The following RIMS2 variants were observed in gnomAD, a reference collection of about 807,000 sequenced individuals.
RIMS2 encodes the protein regulating synaptic membrane exocytosis 2.
Under a neutral mutation model 174.4 loss-of-function variants are expected in RIMS2, and 59 were observed. That is an observed-to-expected ratio of 0.34 (90% CI 0.27 to 0.42). The LOEUF is 0.42. Ranked by LOEUF, RIMS2 falls within the 10% of genes least tolerant of loss-of-function variation. The pLI is 1.00. For missense variants in RIMS2, 1,620 were observed against 1,666.3 expected (o/e 0.97, Z 0.48); for synonymous variants, 606 against 572.5 (o/e 1.06, Z -0.84).
At chr8:104,093,952 G>C (rs897366359) in intron 19 of RIMS2, among the ~76,000 whole-genome samples, 2 of 151,760 alleles carry the variant, frequency 1.3e-5, no homozygotes, top group Non-Finnish European at 2.9e-5. Context: ...TGATGGCTGA[G>C]ACTTGAATTT....
At chr8:103,837,121 A>G (rs75375802) in intron 3 of RIMS2, among the ~76,000 whole-genome samples, 6,069 of 152,346 alleles carry the variant, frequency 0.04, 200 homozygotes, top group Middle Eastern at 0.13. Flanking sequence ...GTGGGTTAAA[A>G]CACTCCACCT....
intron 19 of RIMS2, among the ~76,000 whole-genome samples, chr8:104,124,745 T>C (rs1354812430): frequency 6.6e-6 from 1 of 152,218 alleles, no homozygotes; most frequent in Admixed American, 6.5e-5. Context: ...TTTGCCCAGA[T>C]GCCTTGGAGA....
chr8:103,656,028 A>G (rs1195004488), intron 1 of RIMS2, among the ~76,000 whole-genome samples: 3 of 152,166 alleles, frequency 2.0e-5, no homozygotes, highest in Non-Finnish European at 4.4e-5. Flanking sequence ...TGCTAGTGAT[A>G]GTGATAACCT....
intron 1 of RIMS2, among the ~76,000 whole-genome samples, chr8:103,550,602 G>A (rs1044133873): frequency 6.6e-6 from 1 of 151,858 alleles, no homozygotes; most frequent in Admixed American, 6.6e-5. Context: ...AAATAACTAA[G>A]ATCAGAGCAG....
At chr8:104,078,592 G>A (rs2097345762) in intron 19 of RIMS2, among the ~76,000 whole-genome samples, 1 of 152,122 alleles carries the variant, frequency 6.6e-6, no homozygotes, top group African/African-American at 2.4e-5. Flanking sequence ...ACATTCTGAG[G>A]TACTGAAGAC....
chr8:103,587,773 G>A (rs990965849), intron 1 of RIMS2, among the ~76,000 whole-genome samples: 4 of 151,970 alleles, frequency 2.6e-5, no homozygotes, highest in Non-Finnish European at 4.4e-5. Flanking sequence ...CATAATAAAA[G>A]CCACATATGA....
At chr8:103,976,097 G>A (rs988905621) in intron 16 of RIMS2, 1 of 152,170 alleles carries the variant, frequency 6.6e-6, no homozygotes, top group Non-Finnish European at 1.5e-5. Context: ...TTCCATTCAA[G>A]TTGACACGTA....
intron 19 of RIMS2, 34 bp downstream of exon 24, chr8:104,093,677 A>G (rs773921157): frequency 6.7e-7 from 1 of 1,500,392 alleles, no homozygotes; most frequent in Non-Finnish European, 9.1e-7. Flanking sequence ...TTCTCTAAAT[A>G]TGTTTTAGAA....
At chr8:103,668,058 A>T (rs1264263524) in intron 1 of RIMS2, among the ~76,000 whole-genome samples, 1 of 152,192 alleles carries the variant, frequency 6.6e-6, no homozygotes, top group Non-Finnish European at 1.5e-5. Flanking sequence ...GGCATAATAC[A>T]TTAAAGCCTG....
chr8:103,612,022 A>G (rs150779997), intron 1 of RIMS2, among the ~76,000 whole-genome samples: 2 of 152,008 alleles, frequency 1.3e-5, no homozygotes, highest in African/African-American at 4.8e-5. Flanking sequence ...GCTGTCTTCA[A>G]GGTCAGTCAT....
chr8:104,250,986 G>A (rs2099357235), intron 22 of RIMS2, 38 bp from the exon 29 acceptor site: 3 of 1,592,356 alleles, frequency 1.9e-6, no homozygotes, highest in South Asian at 2.2e-5. Flanking sequence ...CATGTCCATA[G>A]TTTATTGCTC....
At chr8:103,850,590 A>G (rs2098992383) in intron 3 of RIMS2, among the ~76,000 whole-genome samples, 1 of 152,032 alleles carries the variant, frequency 6.6e-6, no homozygotes, top group African/African-American at 2.4e-5. Context: ...TTGAGGGTGA[A>G]GAGACTGGAG....
At chr8:104,056,941 C>A (rs1417695364) in intron 19 of RIMS2, among the ~76,000 whole-genome samples, 1 of 152,032 alleles carries the variant, frequency 6.6e-6, no homozygotes, top group Admixed American at 6.6e-5. Context: ...TACCCATTCC[C>A]CAAATCTGAG....
intron 2 of RIMS2, among the ~76,000 whole-genome samples, chr8:103,720,982 C>T (rs371719926): frequency 6.6e-5 from 10 of 152,110 alleles, no homozygotes; most frequent in African/African-American, 1.9e-4. Context: ...ATCTCATGTT[C>T]AGTTGTAATC....
intron 1 of RIMS2, among the ~76,000 whole-genome samples, chr8:103,581,799 A>G: frequency 6.6e-6 from 1 of 152,200 alleles, no homozygotes; most frequent in Non-Finnish European, 1.5e-5. Context: ...ATACCTCACC[A>G]CCAAAGGCTG....
At chr8:103,876,310 A>T (rs1319907006) in intron 3 of RIMS2, among the ~76,000 whole-genome samples, 1 of 151,884 alleles carries the variant, frequency 6.6e-6, no homozygotes, top group Non-Finnish European at 1.5e-5. Context: ...CAGTTTCATT[A>T]TTCTGAATGT....
intron 1 of RIMS2, among the ~76,000 whole-genome samples, chr8:103,599,029 C>G (rs184397688): frequency 6.6e-6 from 1 of 152,170 alleles, no homozygotes; most frequent in Admixed American, 6.6e-5. Flanking sequence ...ATTTTCTCCT[C>G]AATTTTTGCC....
intron 1 of RIMS2, among the ~76,000 whole-genome samples, chr8:103,682,785 T>C (rs886772619): frequency 2.0e-5 from 3 of 152,334 alleles, no homozygotes; most frequent in Non-Finnish European, 2.9e-5. Flanking sequence ...GTACCTCAAA[T>C]TACTGTCTTA....
chr8:103,576,199 G>T (rs1249875998), intron 1 of RIMS2, among the ~76,000 whole-genome samples: 2 of 152,164 alleles, frequency 1.3e-5, no homozygotes, highest in Non-Finnish European at 2.9e-5. Flanking sequence ...ATTTGGAATG[G>T]GTGGCACTCT....
Sources: gnomAD v4.1 joint callset for allele counts (sites outside exome capture counted in the v4.1 genomes callset) on GRCh38, gnomAD v4.1.1 for gene constraint, MANE v1.5 for transcripts, NCBI Gene and HGNC (gene_info 2026-07-23, HGNC 2026-07-21) for gene names.